The following ENDOV variants were observed in gnomAD, a reference collection of about 807,000 sequenced individuals.
ENDOV encodes endonuclease V.
ENDOV carries 37 observed loss-of-function variants against 39.4 expected under a neutral mutation model. That is an observed-to-expected ratio of 0.94 (90% confidence interval 0.72 to 1.23). ENDOV has a LOEUF of 1.23. Among genes scored for constraint, ENDOV ranks in the 50% most tolerant of loss-of-function variants. The pLI is 0.00. For synonymous variants in ENDOV, 186 were observed against 163.4 expected (o/e 1.14, Z -1.05); for missense variants, 441 against 375.7 (o/e 1.17, Z -1.44).
chr17:80,436,523 G>A lies in ENDOV; in HGVS notation c.*380G>A. Reference sequence around the variant, plus strand: ...GTCAAATGCTTTTCTGGCCTCTATTGAAAAGATCCTGTGTTCTTCTGTGAA... The same window carrying A: ...GTCAAATGCTTTTCTGGCCTCTATTAAAAAGATCCTGTGTTCTTCTGTGAA... On this transcript the variant is annotated 3_prime_UTR_variant, in exon 10 of 10. Transcript: ENST00000518137. The A allele has an allele frequency of 2.3e-6, 1 of 431,358 alleles. No individual in the cohort carries two copies. The highest frequency in any genetic ancestry group is 3.9e-6 in the Non-Finnish European group (1 of 256,894). 26.7% of individuals were successfully genotyped at this position (431,358 alleles called of 1,614,324 possible). A position where few individuals can be genotyped will look rare whatever the true frequency, so the allele number is the denominator to read the frequency against.
At chr17:80,422,122 G>T in intron 3 of ENDOV, 84 bp from the exon 4 acceptor site, 3 of 1,588,646 alleles carry the variant, frequency 1.9e-6, no homozygotes, top group Non-Finnish European at 1.7e-6. Context: ...CAGAGACAGT[G>T]CCCCCTTCTT....
intron 3 of ENDOV, 65 bp from the exon 4 acceptor site, chr17:80,422,141 G>C (rs2082119536): frequency 1.2e-6 from 2 of 1,602,826 alleles, no homozygotes; most frequent in African/African-American, 2.7e-5. Context: ...TTGCCTCAGG[G>C]ATGGCCCTGT....
intron 5 of ENDOV, 178 bp downstream of exon 5, chr17:80,423,810 C>T (rs1282365342): frequency 9.7e-6 from 6 of 619,314 alleles, no homozygotes; most frequent in Non-Finnish European, 2.8e-6. Flanking sequence ...TTGCCTGTCT[C>T]AGCTGAGGGC....
In ENDOV at chr17:80,415,424, C is replaced by G. The variant is rs41298656; in HGVS notation, c.56+174C>G. 3.8e-3 allele frequency: 3,773 copies of G among 1,003,394 alleles called. 91 individuals carry two copies. In the African/African-American group the frequency reaches 0.052, roughly 14 times the overall value. The allele number at this position is 1,003,394 out of a possible 1,614,324, so 62.2% of individuals were successfully genotyped here. On this transcript the variant is annotated intron_variant, in intron 1 of 9. Transcript: ENST00000518137. ...GAGGGATCTCAGGAATTGTAGTCCG[C>G]GGGGTGGGCGCGGTTCTCGCTTCCG...
At chr17:80,435,807 G>A (rs1232641469) in intron 9 of ENDOV, among the ~76,000 whole-genome samples, 4 of 150,898 alleles carry the variant, frequency 2.7e-5, no homozygotes, top group African/African-American at 7.3e-5. Flanking sequence ...CAGTAGAGAC[G>A]GGGTTTCACC....
At chr17:80,425,196 T>G in intron 6 of ENDOV, 96 bp downstream of exon 6, 1 of 1,103,544 alleles carries the variant, frequency 9.1e-7, no homozygotes, top group Non-Finnish European at 1.3e-6. Flanking sequence ...GCACTCACAC[T>G]TGCCCACATC....
intron 8 of ENDOV, 48 bp downstream of exon 8, chr17:80,428,708 C>G (rs1422869969): frequency 4.6e-6 from 7 of 1,523,162 alleles, no homozygotes. Context: ...CTCACAGACA[C>G]CTGCATGGGC....
At position 80,415,873 on chromosome 17, in the gene ENDOV, G is replaced by A. The variant is rs970700191; in HGVS notation, c.228+52G>A. 2.6e-6 allele frequency: 4 copies of A among 1,547,272 alleles called. No homozygotes were observed. In the South Asian group the frequency reaches 4.8e-5, roughly 18 times the overall value. Reference sequence around the variant, plus strand: ...GGCGGGCCCCTCGGTGGGCTCGGGCGTGCGGTCTCCGGGACAGGGAGCAGT... The same window carrying A: ...GGCGGGCCCCTCGGTGGGCTCGGGCATGCGGTCTCCGGGACAGGGAGCAGT... On this transcript the variant is annotated intron_variant, in intron 2 of 9. Coordinates refer to ENST00000518137, the MANE Select transcript of ENDOV (RefSeq NM_173627.5).
chr17:80,431,176 C>T (rs1166334099), intron 9 of ENDOV, among the ~76,000 whole-genome samples: 1 of 152,222 alleles, frequency 6.6e-6, no homozygotes, highest in Non-Finnish European at 1.5e-5. Flanking sequence ...TCTGGCGCGC[C>T]TCCATGCCCC....
chr17:80,418,746 G>A (rs1394966346), intron 2 of ENDOV: 1 of 152,116 alleles, frequency 6.6e-6, no homozygotes, highest in African/African-American at 2.4e-5. Flanking sequence ...GTTTATTTAG[G>A]GGTTAAGGAA....
At chr17:80,424,737 C>T (rs1599393434) in intron 5 of ENDOV, among the ~76,000 whole-genome samples, 1 of 152,170 alleles carries the variant, frequency 6.6e-6, no homozygotes, top group Non-Finnish European at 1.5e-5. Context: ...GGGTGGATCA[C>T]GCGATTAGGA....
rs773520311 is a variant in ENDOV, at chr17:80,415,249, C to G, written c.55C>G (p.Arg19Gly). 1.9e-6 allele frequency: 3 copies of G among 1,613,330 alleles called. No homozygotes were observed. Among genetic ancestry groups the G allele is most frequent in the African/African-American group, 1.3e-5 (1 of 74,934 alleles). The change falls in exon 1 of 10, where the codon CGG (arginine) becomes GGG (glycine). Residue 19 changes from arginine (R) to glycine (G), a missense_variant and splice_region_variant. Coordinates refer to ENST00000518137, the MANE Select transcript of ENDOV (RefSeq NM_173627.5). ...PPEETLSLWK[R>G]EQARLKAHVV... ...GGAGGAAACGCTGTCACTGTGGAAA[C>G]GGTAATGCTGTCAGGCGACGCGCAG...
chr17:80,426,748 G>T (rs2082729803), intron 7 of ENDOV, among the ~76,000 whole-genome samples: 1 of 152,258 alleles, frequency 6.6e-6, no homozygotes, highest in African/African-American at 2.4e-5. Context: ...GCATCTTGGG[G>T]TGCGCCAGGG....
chr17:80,434,606 C>T (rs41302930), intron 9 of ENDOV, among the ~76,000 whole-genome samples: 72 of 152,270 alleles, frequency 4.7e-4, no homozygotes, highest in Non-Finnish European at 8.2e-4. Flanking sequence ...CCACCACTTG[C>T]TATTATCTGC....
intron 1 of ENDOV, 127 bp downstream of exon 1, chr17:80,415,377 C>A: frequency 8.1e-7 from 1 of 1,227,434 alleles, no homozygotes. Flanking sequence ...CAAAGCAAAG[C>A]CCAGTTTCCG....
At chr17:80,419,384 C>G (rs978640576) in intron 2 of ENDOV, 1 of 560,588 alleles carries the variant, frequency 1.8e-6, no homozygotes. Flanking sequence ...CCGTTCTGTG[C>G]CAGATGCTGA....
rs113364450 is a variant in ENDOV at position 80,432,812 on chromosome 17, G to A, written c.838+2981G>A. On this transcript the variant is annotated intron_variant, in intron 9 of 9. Coordinates refer to ENST00000518137, the MANE Select transcript of ENDOV (RefSeq NM_173627.5). The stretch of plus-strand genomic sequence containing the variant: ...GCAGGGGAGCTGCTGACTGCAGGTG[G>A]CCCAGCAGTACCCAGGTTTCTGCTC... 2.8e-4 allele frequency among the ~76,000 whole-genome samples: 42 copies of A among 152,184 alleles called. No individual in the cohort carries two copies. In the East Asian group the frequency reaches 6.4e-3, roughly 23 times the overall value.
chr17:80,422,416 C>G (rs9907354), intron 4 of ENDOV, among the ~76,000 whole-genome samples, 171 bp downstream of exon 4: 72,576 of 151,758 alleles, frequency 0.48, 18,509 homozygotes, highest in Non-Finnish European at 0.57. Flanking sequence ...AGCCCCGCCT[C>G]CCCCACCGCC....
At chr17:80,426,358 A>G (rs1281883952) in intron 7 of ENDOV, among the ~76,000 whole-genome samples, 2 of 152,212 alleles carry the variant, frequency 1.3e-5, no homozygotes, top group African/African-American at 2.4e-5. Context: ...GATGTGCTCA[A>G]GAAATGGGGG....
Sources: allele counts gnomAD v4.1 joint callset (sites outside exome capture counted in the v4.1 genomes callset), GRCh38; gene constraint gnomAD v4.1.1; transcripts MANE v1.5; gene names NCBI Gene and HGNC (gene_info 2026-07-23, HGNC 2026-07-21).